Variants in TIMM17A observed in about 807,000 individuals in gnomAD.
The protein encoded by TIMM17A is mitochondrial import inner membrane translocase subunit Tim17-A.
A neutral mutation model predicts 26.5 loss-of-function variants in TIMM17A; 15 were observed. That is an observed-to-expected ratio of 0.57 (90% CI 0.38 to 0.87). The LOEUF is 0.87. Ranked by LOEUF, TIMM17A falls within the 40% of genes least tolerant of loss-of-function variation. TIMM17A has a pLI of 0.00. For synonymous variants in TIMM17A, 80 were observed against 70.8 expected (o/e 1.13, Z -0.66); for missense variants, 201 against 210.0 (o/e 0.96, Z 0.27).
chr1:201,965,459 G>A lies in TIMM17A; in HGVS notation c.346G>A (p.Ala116Thr). 6.2e-7 allele frequency: 1 copy of A among 1,613,996 alleles called. No homozygotes were observed. Among genetic ancestry groups the A allele is most frequent in the East Asian group, 2.2e-5 (1 of 44,894 alleles). The part of the protein sequence containing the change: ...RNGPVAMVGS[A>T]AMGGILLALI... ...TGGACCAGTGGCCATGGTTGGGTCA[G>A]CCGCAATGGGTGGCATTCTCCTAGC... Residue 116 changes from alanine to threonine, a missense_variant, in exon 5 of 6, where the codon GCC (alanine) becomes ACC (threonine). By Grantham distance (58) the Ala-to-Thr change is moderately conservative. Transcript: ENST00000367287.
chr1:201,965,810 G>A (rs1682615163), intron 5 of TIMM17A, among the ~76,000 whole-genome samples: 1 of 152,172 alleles, frequency 6.6e-6, no homozygotes, highest in African/African-American at 2.4e-5. Context: ...TCATTTTAAA[G>A]GGACTTGAAG....
chr1:201,966,987 T>C (rs144496988), intron 5 of TIMM17A, among the ~76,000 whole-genome samples: 13 of 50,202 alleles, frequency 2.6e-4, no homozygotes, highest in African/African-American at 7.5e-4. Flanking sequence ...GTATATTATA[T>C]ATGTTGTGTG....
rs1243348996 is a variant in TIMM17A, at chr1:201,966,864, ATATATATGTTATATATATGC to A, written c.430+1338_430+1357del. Among the ~76,000 whole-genome samples the A allele has an allele frequency of 7.2e-5, 10 of 138,114 alleles. No individual in the cohort carries two copies. The South Asian group carries it at 1.5e-3, about 21-fold the overall frequency. 90.6% of individuals were successfully genotyped at this position (138,114 alleles called of 152,430 possible). ...CTCAAAAAATATATATATATATAACATATATATGTTATATATATGCTATATATGTTATATATTATATATGT... is the reference window on the plus strand; with the variant it reads ...CTCAAAAAATATATATATATATAACATATATATGTTATATATTATATATGT... On this transcript the variant is annotated intron_variant, in intron 5 of 5. Coordinates refer to ENST00000367287, the MANE Select transcript of TIMM17A (RefSeq NM_006335.3).
intron 1 of TIMM17A, 31 bp from the exon 2 acceptor site, chr1:201,957,250 A>G (rs939278310): frequency 9.3e-6 from 13 of 1,404,450 alleles, no homozygotes; most frequent in Admixed American, 7.1e-5. Flanking sequence ...GTGAATGAGA[A>G]ATATGGTCTT....
At chr1:201,956,028 A>G (rs776389305) in intron 1 of TIMM17A, among the ~76,000 whole-genome samples, 11 of 152,202 alleles carry the variant, frequency 7.2e-5, no homozygotes, top group Non-Finnish European at 1.5e-4. Flanking sequence ...AGAGTGAAGC[A>G]TTTTAAATGA....
chr1:201,966,876 T>C (rs1270118364), intron 5 of TIMM17A, among the ~76,000 whole-genome samples: 1 of 147,692 alleles, frequency 6.8e-6, no homozygotes, highest in Non-Finnish European at 1.5e-5. Flanking sequence ...ATATATGTTA[T>C]ATATATGCTA....
At position 201,964,850 on chromosome 1, in the gene TIMM17A, A is replaced by G. The variant is rs544216241; in HGVS notation, c.320-583A>G. ...TTTTTAGTGGAGACGGGGTTTTACC[A>G]TGTTAGCCAGGATGGTCTCGATCTC... On this transcript the variant is annotated intron_variant, in intron 4 of 5. Transcript: ENST00000367287. 2.7e-5 allele frequency among the ~76,000 whole-genome samples: 4 copies of G among 150,702 alleles called. No homozygotes were observed. In the South Asian group the frequency reaches 8.4e-4, roughly 32 times the overall value.
At chr1:201,967,015 GTATA>G (rs1553301543) in intron 5 of TIMM17A, among the ~76,000 whole-genome samples, 17 of 118,826 alleles carry the variant, frequency 1.4e-4, no homozygotes, top group African/African-American at 3.5e-4. Flanking sequence ...GTGTGTGTGT[GTATA>G]TATATATAGT....
chr1:201,958,858 A>G (rs1264595639), intron 3 of TIMM17A, among the ~76,000 whole-genome samples: 1 of 152,196 alleles, frequency 6.6e-6, no homozygotes, highest in Non-Finnish European at 1.5e-5. Flanking sequence ...AGTTAGTACT[A>G]TTATTATCTC....
chr1:201,960,768 T>C (rs896442654), intron 3 of TIMM17A, among the ~76,000 whole-genome samples: 1 of 151,808 alleles, frequency 6.6e-6, no homozygotes, highest in South Asian at 2.1e-4. Context: ...TTTCTTTCTT[T>C]TTTTTTTTGA....
intron 5 of TIMM17A, among the ~76,000 whole-genome samples, chr1:201,967,565 G>T (rs900060244): frequency 1.3e-3 from 41 of 30,742 alleles, no homozygotes; most frequent in Non-Finnish European, 2.2e-3. Flanking sequence ...AATTTTTTTT[G>T]AAACAGAATC....
chr1:201,962,733 T>C (rs1682556420), intron 3 of TIMM17A: 1 of 152,242 alleles, frequency 6.6e-6, no homozygotes, highest in African/African-American at 2.4e-5. Context: ...GAATAAAGGA[T>C]GGACAGGCAA....
In TIMM17A at chr1:201,967,698, A is replaced by G. The variant is rs1248695925; in HGVS notation, c.431-1771A>G. Among the ~76,000 whole-genome samples, 2 of 151,812 alleles carry G rather than the reference A, an allele frequency of 1.3e-5. 1 individual carries two copies. The highest frequency in any genetic ancestry group is 4.2e-4 in the South Asian group (2 of 4,810). On this transcript the variant is annotated intron_variant, in intron 5 of 5. Coordinates refer to ENST00000367287, the MANE Select transcript of TIMM17A (RefSeq NM_006335.3). Reference sequence around the variant, plus strand: ...GCTGGGACTATAGGTGTGCACCGCTATGCCCGGCTAATTTTTATATTTTTT... The same window carrying G: ...GCTGGGACTATAGGTGTGCACCGCTGTGCCCGGCTAATTTTTATATTTTTT...
At chr1:201,956,572 T>C (rs934750871) in intron 1 of TIMM17A, among the ~76,000 whole-genome samples, 1 of 152,208 alleles carries the variant, frequency 6.6e-6, no homozygotes, top group African/African-American at 2.4e-5. Context: ...TGCTCAGATA[T>C]GTAGGACTCA....
At chr1:201,965,384 T>G (rs373740078) in intron 4 of TIMM17A, 49 bp from the exon 5 acceptor site, 4 of 1,298,174 alleles carry the variant, frequency 3.1e-6, no homozygotes, top group Admixed American at 1.7e-5. Context: ...TCTCTTACAG[T>G]AAACTAGATT....
chr1:201,969,566 T>G lies in TIMM17A; in HGVS notation c.*12T>G, dbSNP rs374811364. 5.0e-6 allele frequency: 8 copies of G among 1,602,408 alleles called. No homozygotes were observed. The African/African-American group carries it at 1.1e-4, about 21-fold the overall frequency. Reference sequence around the variant, plus strand: ...GACAATATCAGTAGGACTTCTTTCCTAGGATTTCTTTAACAGAACGAGTTG... The same window carrying G: ...GACAATATCAGTAGGACTTCTTTCCGAGGATTTCTTTAACAGAACGAGTTG... On this transcript the variant is annotated 3_prime_UTR_variant, in exon 6 of 6. Transcript: ENST00000367287.
intron 5 of TIMM17A, among the ~76,000 whole-genome samples, chr1:201,967,011 G>GTGTGTGTGTGTGTGTGTGTGTT (rs1682644764): frequency 7.1e-6 from 1 of 140,038 alleles, no homozygotes; most frequent in Admixed American, 7.4e-5. Flanking sequence ...GTGTGTGTGT[G>GTGTGTGTGTGTGTGTGTGTGTT]TGTGTATATA....
In TIMM17A at chr1:201,969,617, C is replaced by G; in HGVS notation, c.*63C>G. On this transcript the variant is annotated 3_prime_UTR_variant, in exon 6 of 6. Transcript: ENST00000367287. The stretch of plus-strand genomic sequence containing the variant: ...TGGTTCGAGAAGGATTTCAGAAGAT[C>G]AAGTTACAGTCTGTTTTTAAAACCA... 1.4e-6 allele frequency: 2 copies of G among 1,392,776 alleles called. No homozygotes were observed. The highest frequency in any genetic ancestry group is 2.0e-6 in the Non-Finnish European group (2 of 981,616). 86.3% of individuals were successfully genotyped at this position (1,392,776 alleles called of 1,614,324 possible).
chr1:201,957,986 A>T (rs1257236300), intron 3 of TIMM17A: 1 of 160,136 alleles, frequency 6.2e-6, no homozygotes, highest in Non-Finnish European at 1.4e-5. Flanking sequence ...AAAAATACAA[A>T]ATTAGCTGGG....
Sources: allele counts gnomAD v4.1 joint callset (sites outside exome capture counted in the v4.1 genomes callset), GRCh38; gene constraint gnomAD v4.1.1; transcripts MANE v1.5; gene names NCBI Gene and HGNC (gene_info 2026-07-23, HGNC 2026-07-21).